Variants in LRRC4C observed in about 807,000 individuals in gnomAD.
LRRC4C encodes the protein leucine-rich repeat-containing protein 4C.
LRRC4C carries 5 observed loss-of-function variants against 33.6 expected under a neutral mutation model. The ratio of observed to expected loss-of-function variants is 0.15; its 90% confidence interval spans 0.08 to 0.31. The LOEUF is 0.31. Ranked by LOEUF, LRRC4C falls within the 10% of genes least tolerant of loss-of-function variation. The probability of loss-of-function intolerance (pLI) is 1.00; values close to 1 mark genes in which losing one functional copy is unlikely to be tolerated. For missense variants in LRRC4C, 560 were observed against 796.7 expected (o/e 0.70, Z 3.58); for synonymous variants, 329 against 302.0 (o/e 1.09, Z -0.93).
intron 1 of LRRC4C, among the ~76,000 whole-genome samples, chr11:41,454,293 C>T (rs116800545): frequency 6.6e-6 from 1 of 152,100 alleles, no homozygotes; most frequent in Non-Finnish European, 1.5e-5. Context: ...AATGACACAG[C>T]CCCACATAGG....
chr11:40,605,399 A>G (rs377669806), intron 3 of LRRC4C, among the ~76,000 whole-genome samples: 3 of 152,178 alleles, frequency 2.0e-5, no homozygotes, highest in South Asian at 4.1e-4. Flanking sequence ...GTTTTTCCCT[A>G]CATAGAGGCA....
At chr11:40,695,570 CA>C in intron 2 of LRRC4C, among the ~76,000 whole-genome samples, 1 of 152,272 alleles carries the variant, frequency 6.6e-6, no homozygotes, top group East Asian at 1.9e-4. Context: ...TTCTGGAGGT[CA>C]GAAGTCTGAA....
chr11:40,508,516 A>G (rs944226608), intron 3 of LRRC4C, among the ~76,000 whole-genome samples: 1 of 152,162 alleles, frequency 6.6e-6, no homozygotes, highest in Non-Finnish European at 1.5e-5. Context: ...CCTTGTCAGC[A>G]TTTAGCTCAT....
chr11:41,429,179 G>A (rs1955148314), intron 1 of LRRC4C, among the ~76,000 whole-genome samples: 1 of 152,006 alleles, frequency 6.6e-6, no homozygotes, highest in Admixed American at 6.6e-5. Context: ...CTTTTGGTTG[G>A]CACTTCTCCT....
intron 2 of LRRC4C, among the ~76,000 whole-genome samples, chr11:40,776,148 T>A (rs2137223451): frequency 6.6e-6 from 1 of 152,314 alleles, no homozygotes; most frequent in East Asian, 1.9e-4. Flanking sequence ...GAATTAACTT[T>A]ATTAATTTGC....
intron 1 of LRRC4C, among the ~76,000 whole-genome samples, chr11:41,439,401 T>G (rs1416317867): frequency 2.6e-5 from 4 of 152,188 alleles, no homozygotes; most frequent in East Asian, 1.9e-4. Flanking sequence ...AATAGTGGAC[T>G]TGCTGGATCA....
At chr11:40,951,794 T>C (rs1417910490) in intron 1 of LRRC4C, among the ~76,000 whole-genome samples, 1 of 151,918 alleles carries the variant, frequency 6.6e-6, no homozygotes, top group Non-Finnish European at 1.5e-5. Context: ...ACAAGAAGAC[T>C]AGGAGTAATA....
intron 1 of LRRC4C, among the ~76,000 whole-genome samples, chr11:40,941,802 TA>T (rs1958159281): frequency 1.3e-5 from 2 of 152,142 alleles, no homozygotes; most frequent in Non-Finnish European, 2.9e-5. Context: ...AGTAAGGCAA[TA>T]TTTTTTCTGA....
chr11:40,833,799 G>T (rs1952530372), intron 2 of LRRC4C, among the ~76,000 whole-genome samples: 1 of 151,988 alleles, frequency 6.6e-6, no homozygotes, highest in South Asian at 2.1e-4. Flanking sequence ...TTGAATTGTG[G>T]ATAAGTGTTG....
chr11:41,406,904 G>A (rs1591448515), intron 1 of LRRC4C, among the ~76,000 whole-genome samples: 1 of 152,134 alleles, frequency 6.6e-6, no homozygotes, highest in South Asian at 2.1e-4. Flanking sequence ...TGTTTTGAGT[G>A]ATTGGTAACT....
At chr11:41,050,289 A>T (rs1487782464) in intron 1 of LRRC4C, among the ~76,000 whole-genome samples, 1 of 152,202 alleles carries the variant, frequency 6.6e-6, no homozygotes, top group Non-Finnish European at 1.5e-5. Flanking sequence ...GGTACAATGA[A>T]GTCCAATTAC....
chr11:41,344,237 T>G (rs1951730854), intron 1 of LRRC4C, among the ~76,000 whole-genome samples: 2 of 150,184 alleles, frequency 1.3e-5, no homozygotes, highest in South Asian at 4.3e-4. Flanking sequence ...TTTTTTTTTT[T>G]TTTTTTTGCG....
At chr11:40,872,969 G>T (rs1430973781) in intron 2 of LRRC4C, among the ~76,000 whole-genome samples, 1 of 151,974 alleles carries the variant, frequency 6.6e-6, no homozygotes, top group Non-Finnish European at 1.5e-5. Context: ...TTTATTATTT[G>T]CTGTAAGTTA....
At chr11:41,181,958 T>C (rs1209420573) in intron 1 of LRRC4C, among the ~76,000 whole-genome samples, 1 of 152,208 alleles carries the variant, frequency 6.6e-6, no homozygotes, top group Non-Finnish European at 1.5e-5. Flanking sequence ...TGAAAAACCA[T>C]TCCAGCAGCC....
intron 5 of LRRC4C, among the ~76,000 whole-genome samples, chr11:40,202,688 A>G (rs113544594): frequency 9.9e-5 from 15 of 152,240 alleles, no homozygotes; most frequent in African/African-American, 3.1e-4. Flanking sequence ...ATCTTTTCCA[A>G]TTATGGTTGC....
intron 3 of LRRC4C, among the ~76,000 whole-genome samples, chr11:40,586,066 T>C (rs1958723451): frequency 7.2e-6 from 1 of 139,078 alleles, no homozygotes; most frequent in Non-Finnish European, 1.6e-5. Flanking sequence ...TCCACAATGG[T>C]TGAACTAGTT....
Position 40,850,582 on chromosome 11 carries a change from C to T in LRRC4C, c.-407+83053G>A, listed in dbSNP as rs1220718069. ...TGTCGACCCCTGCTGGGAGGTTTTT[C>T]CTTGTCAGGAGGCACAGGGGTCAGG... On this transcript the variant is annotated intron_variant, in intron 2 of 6. Transcript: ENST00000528697. Among the ~76,000 whole-genome samples, 3 of 152,156 alleles carry T rather than the reference C, an allele frequency of 2.0e-5. No homozygotes were observed. The East Asian group carries it at 5.8e-4, about 30-fold the overall frequency.
Position 41,102,067 on chromosome 11 carries a change from T to C in LRRC4C, c.-495-168344A>G, listed in dbSNP as rs138364560. 8.2e-3 allele frequency among the ~76,000 whole-genome samples: 1,246 copies of C among 152,102 alleles called. 13 individuals are homozygous for C. Among genetic ancestry groups the C allele is most frequent in the Admixed American group, 0.015 (222 of 15,238 alleles). On this transcript the variant is annotated intron_variant, in intron 1 of 6. Coordinates refer to ENST00000528697, the MANE Select transcript of LRRC4C (RefSeq NM_001258419.2). ...AGTTACTTGGTGATGAAATAATCTGTACAACAAACCCCCGTGACATGAGTT... is the reference window on the plus strand; with the variant it reads ...AGTTACTTGGTGATGAAATAATCTGCACAACAAACCCCCGTGACATGAGTT...
chr11:40,852,300 T>G (rs1242454863), intron 2 of LRRC4C, among the ~76,000 whole-genome samples: 1 of 152,140 alleles, frequency 6.6e-6, no homozygotes, highest in East Asian at 1.9e-4. Context: ...AAGGCAGGTC[T>G]CATTTCCACA....
Sources: allele counts gnomAD v4.1 joint callset (sites outside exome capture counted in the v4.1 genomes callset), GRCh38; gene constraint gnomAD v4.1.1; transcripts MANE v1.5; gene names NCBI Gene and HGNC (gene_info 2026-07-23, HGNC 2026-07-21).